The following ZPBP variants were observed in gnomAD, a reference collection of about 807,000 sequenced individuals.
ZPBP encodes zona pellucida-binding protein 1.
Under a neutral mutation model 44.8 loss-of-function variants are expected in ZPBP, and 26 were observed. That is an observed-to-expected ratio of 0.58 (90% confidence interval 0.43 to 0.81). ZPBP has a LOEUF of 0.81. Ranked by LOEUF, ZPBP falls within the 30% of genes least tolerant of loss-of-function variation. The pLI is 0.00. For synonymous variants in ZPBP, 174 were observed against 153.2 expected, an observed-to-expected ratio of 1.14 and a Z score of -1.00; for missense variants, 409 against 434.0, an observed-to-expected ratio of 0.94 and a Z score of 0.51.
At chr7:49,931,284 G>A (rs923984147) in intron 1 of ZPBP, among the ~76,000 whole-genome samples, 1 of 152,198 alleles carries the variant, frequency 6.6e-6, no homozygotes, top group Non-Finnish European at 1.5e-5. Context: ...TTGGAACTAG[G>A]TAACGGGCAG....
chr7:50,070,913 T>C (rs775490681), intron 3 of ZPBP, among the ~76,000 whole-genome samples: 2 of 152,130 alleles, frequency 1.3e-5, no homozygotes, highest in Non-Finnish European at 1.5e-5. Flanking sequence ...GTCTTCACAA[T>C]GCCTGGGAAA....
intron 4 of ZPBP, among the ~76,000 whole-genome samples, chr7:50,048,721 A>G (rs1403120805): frequency 6.6e-6 from 1 of 152,044 alleles, no homozygotes; most frequent in Non-Finnish European, 1.5e-5. Context: ...TAGGCATGGC[A>G]TATTATAAAA....
chr7:50,067,573 T>C (rs796189625), intron 3 of ZPBP, among the ~76,000 whole-genome samples: 7 of 152,206 alleles, frequency 4.6e-5, no homozygotes, highest in Non-Finnish European at 7.3e-5. Flanking sequence ...AAACTGCTTC[T>C]ATCAGTAAAA....
intron 4 of ZPBP, among the ~76,000 whole-genome samples, chr7:50,038,918 A>G (rs978172085): frequency 6.6e-6 from 1 of 152,228 alleles, no homozygotes; most frequent in Non-Finnish European, 1.5e-5. Flanking sequence ...CTAGGTTTGT[A>G]TAAGTAAACT....
chr7:49,910,847 C>T (rs551761977), intron 1 of ZPBP, among the ~76,000 whole-genome samples: 85 of 152,306 alleles, frequency 5.6e-4, no homozygotes, highest in African/African-American at 1.9e-3. Flanking sequence ...GCATCCACAT[C>T]ACCTGAGAAC....
chr7:49,937,672 T>C (rs764631032), intron 7 of ZPBP, 50 bp from the exon 8 acceptor site: 9 of 1,421,218 alleles, frequency 6.3e-6, no homozygotes, highest in Middle Eastern at 3.5e-4. Flanking sequence ...ATACACATAA[T>C]ATAAAATTTC....
chr7:49,920,386 T>C (rs1364856821), intron 1 of ZPBP: 1 of 152,186 alleles, frequency 6.6e-6, no homozygotes, highest in Non-Finnish European at 1.5e-5. Flanking sequence ...TCTATACAAA[T>C]GGTTAAACAG....
intron 7 of ZPBP, among the ~76,000 whole-genome samples, chr7:49,971,271 T>C (rs750974149): frequency 6.6e-5 from 10 of 151,952 alleles, no homozygotes; most frequent in African/African-American, 9.7e-5. Flanking sequence ...AGAATCACCA[T>C]AATGAGGGAA....
At chr7:50,092,049 G>A (rs1428239824) in intron 1 of ZPBP, among the ~76,000 whole-genome samples, 1 of 152,076 alleles carries the variant, frequency 6.6e-6, no homozygotes, top group Non-Finnish European at 1.5e-5. Context: ...CTATATAAGA[G>A]GCCTTCACTA....
chr7:50,083,422 T>G (rs775732191), intron 2 of ZPBP, among the ~76,000 whole-genome samples: 7 of 151,936 alleles, frequency 4.6e-5, no homozygotes, highest in Non-Finnish European at 8.8e-5. Flanking sequence ...ACTTTAAAGA[T>G]GTCAATTTAT....
At chr7:49,924,402 T>C (rs1174472449) in intron 1 of ZPBP, among the ~76,000 whole-genome samples, 2 of 152,188 alleles carry the variant, frequency 1.3e-5, no homozygotes, top group African/African-American at 2.4e-5. Flanking sequence ...ACATTGACTT[T>C]ACTCTGAGCT....
chr7:50,058,255 TG>T (rs1562595545), intron 3 of ZPBP, 114 bp from the exon 4 acceptor site: 2 of 1,113,116 alleles, frequency 1.8e-6, no homozygotes, highest in Middle Eastern at 2.6e-4. Context: ...ATGAAAGGAG[TG>T]GGGGGCATAG....
chr7:50,072,127 G>A (rs1801868702), intron 3 of ZPBP, among the ~76,000 whole-genome samples: 2 of 152,180 alleles, frequency 1.3e-5, no homozygotes, highest in African/African-American at 4.8e-5. Context: ...ACTTGCCCTG[G>A]GGCCAGACAA....
chr7:49,865,429 A>G (rs1790840747), intron 2 of ZPBP, among the ~76,000 whole-genome samples: 1 of 152,234 alleles, frequency 6.6e-6, no homozygotes, highest in Admixed American at 6.5e-5. Flanking sequence ...AACCAACCGC[A>G]AAACGTAGTG....
At chr7:49,980,408 A>C (rs1388672685) in intron 7 of ZPBP, among the ~76,000 whole-genome samples, 3 of 148,378 alleles carry the variant, frequency 2.0e-5, no homozygotes, top group African/African-American at 7.5e-5. Context: ...ATATCACTAA[A>C]TTTATACCTG....
At chr7:49,962,732 T>C (rs1264775836) in intron 7 of ZPBP, among the ~76,000 whole-genome samples, 1 of 151,838 alleles carries the variant, frequency 6.6e-6, no homozygotes, top group Non-Finnish European at 1.5e-5. Context: ...AGAAAAATCC[T>C]AAAAATCAAA....
intron 3 of ZPBP, among the ~76,000 whole-genome samples, chr7:50,070,497 G>T (rs1202289581): frequency 6.6e-6 from 1 of 152,226 alleles, no homozygotes; most frequent in African/African-American, 2.4e-5. Flanking sequence ...CGCCTTGGAT[G>T]CTGGGTCTCA....
At chr7:49,983,551 A>G in intron 6 of ZPBP, 32 bp from the exon 7 acceptor site, 2 of 1,387,652 alleles carry the variant, frequency 1.4e-6, no homozygotes, top group Non-Finnish European at 1.0e-6. Flanking sequence ...ATAAACTGTT[A>G]GCCATAAAAA....
At chr7:50,059,611 T>C (rs1219688165) in intron 3 of ZPBP, among the ~76,000 whole-genome samples, 1 of 152,118 alleles carries the variant, frequency 6.6e-6, no homozygotes, top group East Asian at 1.9e-4. Context: ...AGAGATGTAA[T>C]AAAGGGTTCT....
Sources: gnomAD v4.1 joint callset for allele counts (sites outside exome capture counted in the v4.1 genomes callset) on GRCh38, gnomAD v4.1.1 for gene constraint, MANE v1.5 for transcripts, NCBI Gene and HGNC (gene_info 2026-07-23, HGNC 2026-07-21) for gene names.